ERC1: variants seen among roughly 807,000 people sequenced by gnomAD.
ERC1 encodes ELKS/RAB6-interacting/CAST family member 1.
ERC1 carries 56 observed loss-of-function variants against 132.0 expected under a neutral mutation model. That is an observed-to-expected ratio of 0.42 (90% confidence interval 0.34 to 0.53). The LOEUF (loss-of-function observed/expected upper bound fraction) is 0.53. Ranked by LOEUF, ERC1 falls within the 20% of genes least tolerant of loss-of-function variation. The probability of loss-of-function intolerance (pLI) is 0.03; values close to 1 mark genes in which losing one functional copy is unlikely to be tolerated. For synonymous variants in ERC1, 478 were observed against 476.1 expected (o/e 1.00, Z -0.05); for missense variants, 1,202 against 1,349.9 (o/e 0.89, Z 1.72).
At chr12:1,374,866 A>C (rs929357866) in intron 16 of ERC1, among the ~76,000 whole-genome samples, 11 of 146,406 alleles carry the variant, frequency 7.5e-5, no homozygotes, top group African/African-American at 2.8e-4. Flanking sequence ...AGAGTCAACT[A>C]TAACAGTATA....
rs897107623 is a variant in ERC1, at chr12:1,198,125, G to A, written c.2351+8073G>A. Among the ~76,000 whole-genome samples, 13 of 151,848 alleles carry A rather than the reference G, an allele frequency of 8.6e-5. No individual in the cohort carries two copies. In the East Asian group the frequency reaches 2.1e-3, roughly 25 times the overall value. On this transcript the variant is annotated intron_variant, in intron 12 of 18. Coordinates refer to ENST00000360905, the MANE Select transcript of ERC1 (RefSeq NM_178040.4). ...ATTTTTTTTGTAGAGATGGGTTTTT[G>A]CCAGATAGCCTAGGCTGGTCTCGAA...
intron 16 of ERC1, among the ~76,000 whole-genome samples, chr12:1,401,526 G>C (rs2091063451): frequency 6.6e-6 from 1 of 152,110 alleles, no homozygotes; most frequent in African/African-American, 2.4e-5. Flanking sequence ...TCTGAAGCTA[G>C]ACTGTTTGTA....
chr12:1,443,351 T>TA (rs1178428351), intron 17 of ERC1: 2 of 152,084 alleles, frequency 1.3e-5, no homozygotes, highest in African/African-American at 4.8e-5. Context: ...GAAAAAGAAA[T>TA]AAAGGAACGT....
At position 1,263,088 on chromosome 12, in the gene ERC1, G is replaced by A. The variant is rs2077244617; in HGVS notation, c.2542G>A (p.Glu848Lys). 1.2e-6 allele frequency: 2 copies of A among 1,614,088 alleles called. No homozygotes were observed. Among genetic ancestry groups the A allele is most frequent in the Non-Finnish European group, 1.7e-6 (2 of 1,179,954 alleles). The change falls in exon 14 of 19, where the codon GAA becomes AAA. Residue 848 changes from glutamate to lysine, a missense_variant. Transcript: ENST00000360905. ...RIEELEEALR[E>K]SVQITAEREM... Reference sequence around the variant, plus strand: ...TGAAGAGCTGGAAGAAGCACTAAGAGAAAGTGTACAGATAACTGCAGAGCG... The same window carrying A: ...TGAAGAGCTGGAAGAAGCACTAAGAAAAAGTGTACAGATAACTGCAGAGCG...
At chr12:1,068,440 C>T (rs902010087) in intron 2 of ERC1, among the ~76,000 whole-genome samples, 3 of 151,876 alleles carry the variant, frequency 2.0e-5, no homozygotes, top group African/African-American at 7.3e-5. Flanking sequence ...CTGGCCCTTT[C>T]TTATTTATTA....
intron 15 of ERC1, among the ~76,000 whole-genome samples, chr12:1,343,520 C>T (rs1280286626): frequency 6.6e-6 from 1 of 152,174 alleles, no homozygotes; most frequent in Admixed American, 6.5e-5. Context: ...TTCCCTGAAG[C>T]AGATTCTCTT....
At chr12:1,187,042 G>A (rs1002872440) in intron 11 of ERC1, among the ~76,000 whole-genome samples, 1 of 152,182 alleles carries the variant, frequency 6.6e-6, no homozygotes, top group African/African-American at 2.4e-5. Flanking sequence ...TGTTGGCCAG[G>A]CTGGTCTTAA....
chr12:1,286,910 C>T (rs1594780640), intron 14 of ERC1, among the ~76,000 whole-genome samples: 1 of 152,178 alleles, frequency 6.6e-6, no homozygotes, highest in East Asian at 1.9e-4. Flanking sequence ...TAGTTCATTA[C>T]GTGTTCTAGA....
intron 2 of ERC1, among the ~76,000 whole-genome samples, chr12:1,053,232 A>T (rs1972347546): frequency 6.6e-6 from 1 of 152,228 alleles, no homozygotes; most frequent in Non-Finnish European, 1.5e-5. Flanking sequence ...AAAAGTATTA[A>T]TGGGTATTAT....
At chr12:1,237,745 T>C (rs574956398) in intron 13 of ERC1, among the ~76,000 whole-genome samples, 1 of 152,354 alleles carries the variant, frequency 6.6e-6, no homozygotes, top group South Asian at 2.1e-4. Flanking sequence ...ATCATAATGC[T>C]TCAGAATGAA....
At chr12:1,084,342 T>G (rs1015011452) in intron 3 of ERC1, among the ~76,000 whole-genome samples, 1 of 152,196 alleles carries the variant, frequency 6.6e-6, no homozygotes, top group African/African-American at 2.4e-5. Flanking sequence ...TGTGTTAGTA[T>G]GAGTCTGAAT....
intron 12 of ERC1, among the ~76,000 whole-genome samples, chr12:1,207,318 CT>C (rs11361729): frequency 0.066 from 10,003 of 151,728 alleles, 1,088 homozygotes; most frequent in African/African-American, 0.23. Context: ...TTAGCTAAAG[CT>C]TTTTTTTATA....
At chr12:1,422,081 T>C (rs1359369666) in intron 17 of ERC1, among the ~76,000 whole-genome samples, 1 of 152,194 alleles carries the variant, frequency 6.6e-6, no homozygotes, top group Admixed American at 6.5e-5. Flanking sequence ...TTTCCCATAA[T>C]CCTAACCTTG....
At chr12:1,155,630 C>T (rs1951312881) in intron 8 of ERC1, among the ~76,000 whole-genome samples, 1 of 152,096 alleles carries the variant, frequency 6.6e-6, no homozygotes, top group Non-Finnish European at 1.5e-5. Context: ...GCACGTGCCA[C>T]CACGCCCGGC....
chr12:1,179,600 C>T (rs376602581), intron 8 of ERC1, among the ~76,000 whole-genome samples: 3 of 149,364 alleles, frequency 2.0e-5, no homozygotes, highest in East Asian at 2.0e-4. Context: ...CTCCGCCTCC[C>T]GGGTTCACGC....
intron 15 of ERC1, among the ~76,000 whole-genome samples, chr12:1,327,687 A>G (rs2082548597): frequency 1.3e-5 from 2 of 152,146 alleles, no homozygotes; most frequent in South Asian, 2.1e-4. Flanking sequence ...CGCTATTAAT[A>G]TATGCTCATG....
Position 1,371,862 on chromosome 12 carries a change from A to G in ERC1, c.2810A>G (p.Glu937Gly). Residue 937 changes from glutamate to glycine, a missense_variant, in exon 16 of 19, where the codon GAA (glutamate) becomes GGA (glycine). Glu to Gly is a moderately conservative substitution (Grantham distance 98, BLOSUM62 -2). Transcript: ENST00000360905. ...KQEALLAAIS[E>G]KDANIALLEL... ...GAAGCTCTTCTGGCTGCCATTAGTG[A>G]AAAAGACGCCAATATAGCTCTCTTG... 6.2e-7 allele frequency: 1 copy of G among 1,613,840 alleles called. No individual in the cohort carries two copies. Among genetic ancestry groups the G allele is most frequent in the Non-Finnish European group, 8.5e-7 (1 of 1,179,948 alleles).
chr12:1,341,309 A>G (rs1046736653), intron 15 of ERC1, among the ~76,000 whole-genome samples: 5 of 151,008 alleles, frequency 3.3e-5, no homozygotes, highest in African/African-American at 1.2e-4. Flanking sequence ...GTTCACCAAG[A>G]TGGTCTCGAT....
chr12:1,252,384 T>C (rs1480335388), intron 13 of ERC1, among the ~76,000 whole-genome samples: 1 of 152,184 alleles, frequency 6.6e-6, no homozygotes, highest in Admixed American at 6.5e-5. Context: ...TGAAAAGGTA[T>C]GCTTGTTCTT....
Sources: allele counts gnomAD v4.1 joint callset (sites outside exome capture counted in the v4.1 genomes callset), GRCh38; gene constraint gnomAD v4.1.1; transcripts MANE v1.5; gene names NCBI Gene and HGNC (gene_info 2026-07-23, HGNC 2026-07-21).